The following TAF10 variants were observed in gnomAD, a reference collection of about 807,000 sequenced individuals.
The protein encoded by TAF10 is TATA-box binding protein associated factor 10, also known as transcription initiation factor TFIID subunit 10.
In TAF10, 2 loss-of-function variants were observed where a neutral mutation model predicts 18.1. The ratio of observed to expected loss-of-function variants is 0.11; its 90% confidence interval spans 0.05 to 0.35. The LOEUF is 0.35. Among genes scored for constraint, TAF10 ranks in the 10% least tolerant of loss-of-function variants. The pLI, the probability that TAF10 is intolerant of heterozygous loss-of-function variation, is 1.00. For synonymous variants in TAF10, 158 were observed against 134.6 expected, an observed-to-expected ratio of 1.17 and a Z score of -1.20; for missense variants, 293 against 306.9, an observed-to-expected ratio of 0.95 and a Z score of 0.34.
intron 3 of TAF10, 34 bp downstream of exon 3, chr11:6,611,354 G>A (rs924219443): frequency 9.3e-6 from 15 of 1,614,006 alleles, no homozygotes; most frequent in Non-Finnish European, 1.2e-5. Context: ...TACTGCACAA[G>A]CACCCAAAAC....
chr11:6,609,807 C>T lies in TAF10; in HGVS notation c.*1115G>A, dbSNP rs768563368. On this transcript the variant is annotated 3_prime_UTR_variant, in exon 5 of 5. Transcript: ENST00000299424. ...GGCCTTCCTACACACACTAGAGCCC[C>T]TCATCCCACGACATGCACTCAATAG... 4 of 1,614,212 alleles carry T rather than the reference C, an allele frequency of 2.5e-6. No individual in the cohort carries two copies. The South Asian group carries it at 4.4e-5, about 18-fold the overall frequency.
In TAF10 at chr11:6,606,818, G is replaced by A. The variant is rs1310909698; in HGVS notation, c.*4104C>T. The A allele has an allele frequency of 6.6e-6, 1 of 152,182 alleles. No homozygotes were observed. Among genetic ancestry groups the A allele is most frequent in the Non-Finnish European group, 1.5e-5 (1 of 68,060 alleles). 9.4% of individuals were successfully genotyped at this position (152,182 alleles called of 1,614,324 possible). A position where few individuals can be genotyped will look rare whatever the true frequency, so the allele number is the denominator to read the frequency against. ...TACTTTTGCCCCCCGAGTTTGGCCT[G>A]CCCTGGCGCCACAGGCAGTACTGGA... On this transcript the variant is annotated 3_prime_UTR_variant, in exon 5 of 5. Coordinates refer to ENST00000299424, the MANE Select transcript of TAF10 (RefSeq NM_006284.4).
chr11:6,612,190 C>G lies in TAF10; in HGVS notation c.-1G>C. ...CCGCGCCGGAGCCGCTGCAGCTCAT[C>G]GGGCCGGTGGGAGAGGCGGCGAACA... On this transcript the variant is annotated 5_prime_UTR_variant, in exon 1 of 5. Transcript: ENST00000299424. The G allele has an allele frequency of 1.6e-6, 2 of 1,229,050 alleles. No individual in the cohort carries two copies. Among genetic ancestry groups the G allele is most frequent in the Non-Finnish European group, 2.0e-6 (2 of 976,820 alleles). 76.1% of individuals were successfully genotyped at this position (1,229,050 alleles called of 1,614,324 possible). A position where few individuals can be genotyped will look rare whatever the true frequency, so the allele number is the denominator to read the frequency against.
At position 6,609,017 on chromosome 11, in the gene TAF10, C is replaced by T. The variant is rs188578152; in HGVS notation, c.*1905G>A. On this transcript the variant is annotated 3_prime_UTR_variant, in exon 5 of 5. Transcript: ENST00000299424. The stretch of plus-strand genomic sequence containing the variant: ...GGTTGTAAAAGGAAATAATCCTGGC[C>T]TCTTGGGGCTGGGTTAGGGTGAAGC... The T allele has an allele frequency of 3.7e-6, 6 of 1,612,382 alleles. No individual in the cohort carries two copies. Among genetic ancestry groups the T allele is most frequent in the South Asian group, 2.2e-5 (2 of 91,028 alleles).
chr11:6,611,071 G>A, intron 4 of TAF10, 60 bp from the exon 5 acceptor site: 1 of 1,599,288 alleles, frequency 6.3e-7, no homozygotes, highest in African/African-American at 1.3e-5. Context: ...AATCCCAGAT[G>A]GGTGACCCTG....
chr11:6,611,126 T>A, intron 4 of TAF10, 63 bp downstream of exon 4: 1 of 1,589,234 alleles, frequency 6.3e-7, no homozygotes, highest in Non-Finnish European at 8.6e-7. Context: ...CCCAAAGGGG[T>A]GGCAGGATAA....
In TAF10 at chr11:6,609,405, T is replaced by C. The variant is rs1185447961; in HGVS notation, c.*1517A>G. The C allele has an allele frequency of 6.2e-7, 1 of 1,613,906 alleles. No homozygotes were observed. The highest frequency in any genetic ancestry group is 1.1e-5 in the South Asian group (1 of 91,080). On this transcript the variant is annotated 3_prime_UTR_variant, in exon 5 of 5. Transcript: ENST00000299424. ...GACTTCAATGAAGAGTGTCCCCGGC[T>C]CAGGTAGTGCAAGGCGTAACCTGGA...
chr11:6,607,983 C>A lies in TAF10; in HGVS notation c.*2939G>T. 6.5e-7 allele frequency: 1 copy of A among 1,546,286 alleles called. No individual in the cohort carries two copies. Among genetic ancestry groups the A allele is most frequent in the Non-Finnish European group, 8.9e-7 (1 of 1,121,324 alleles). The stretch of plus-strand genomic sequence containing the variant: ...AGAGAGTATGTAATTATCAGTTTTT[C>A]AGGAATCAAAACCTTTGCCCCATCC... On this transcript the variant is annotated 3_prime_UTR_variant, in exon 5 of 5. Coordinates refer to ENST00000299424, the MANE Select transcript of TAF10 (RefSeq NM_006284.4).
At position 6,606,320 on chromosome 11, in the gene TAF10, A is replaced by T. The variant is rs1336471905; in HGVS notation, c.*4602T>A. On this transcript the variant is annotated 3_prime_UTR_variant, in exon 5 of 5. Coordinates refer to ENST00000299424, the MANE Select transcript of TAF10 (RefSeq NM_006284.4). ...GGCAAAATCAAATTCTTTATTTTTT[A>T]AAATTGGTGGAGTTTAGTTTTTAGG... The T allele has an allele frequency of 6.6e-6, 1 of 152,238 alleles. No homozygotes were observed. Among genetic ancestry groups the T allele is most frequent in the Non-Finnish European group, 1.5e-5 (1 of 68,042 alleles). The allele number at this position is 152,238 out of a possible 1,614,324, so 9.4% of individuals were successfully genotyped here. A position where few individuals can be genotyped will look rare whatever the true frequency, so the allele number is the denominator to read the frequency against.
chr11:6,608,710 G>A lies in TAF10; in HGVS notation c.*2212C>T. 3 of 1,613,968 alleles carry A rather than the reference G, an allele frequency of 1.9e-6. No homozygotes were observed. Among genetic ancestry groups the A allele is most frequent in the Non-Finnish European group, 2.5e-6 (3 of 1,179,864 alleles). ...TCATTCCAGGACCTGGTGGCAAATG[G>A]GGCCCTTGTCAGCATCTGTAACAAG... On this transcript the variant is annotated 3_prime_UTR_variant, in exon 5 of 5. Transcript: ENST00000299424. The surrounding 1 kb of genome is among the most constrained non-coding windows in gnomAD (Gnocchi z 4.9).
rs750957554 is a variant in TAF10 at position 6,608,381 on chromosome 11, C to A, written c.*2541G>T. Reference sequence around the variant, plus strand: ...CTTTCTGCCTCTTCTTTTTGTCTGGCCATGGGGTCCAGCTATTGCAGTACA... The same window carrying A: ...CTTTCTGCCTCTTCTTTTTGTCTGGACATGGGGTCCAGCTATTGCAGTACA... On this transcript the variant is annotated 3_prime_UTR_variant, in exon 5 of 5. Coordinates refer to ENST00000299424, the MANE Select transcript of TAF10 (RefSeq NM_006284.4). The surrounding 1 kb of genome is among the most constrained non-coding windows in gnomAD (Gnocchi z 4.9). 6.2e-7 allele frequency: 1 copy of A among 1,611,736 alleles called. No individual in the cohort carries two copies. The highest frequency in any genetic ancestry group is 1.7e-5 in the Admixed American group (1 of 60,030).
rs1855480386 is a variant in TAF10 at position 6,612,036 on chromosome 11, G to T, written c.154C>A (p.Pro52Thr). 1 of 1,494,344 alleles carries T rather than the reference G, an allele frequency of 6.7e-7. No individual in the cohort carries two copies. Among genetic ancestry groups the T allele is most frequent in the African/African-American group, 1.4e-5 (1 of 69,752 alleles). 92.6% of individuals were successfully genotyped at this position (1,494,344 alleles called of 1,614,324 possible). A position where few individuals can be genotyped will look rare whatever the true frequency, so the allele number is the denominator to read the frequency against. ...KASPAGTAGGPGAGAAAGGTG... is the reference protein window; with the variant it reads ...KASPAGTAGGTGAGAAAGGTG... ...CCCCCAGCAGCTGCTCCAGCCCCAG[G>T]TCCCCCCGCTGTCCCCGCGGGGCTG... Residue 52 changes from proline (P) to threonine (T), a missense_variant, in exon 1 of 5, where the codon CCT (proline) becomes ACT (threonine). Coordinates refer to ENST00000299424, the MANE Select transcript of TAF10 (RefSeq NM_006284.4).
chr11:6,609,928 T>C lies in TAF10; in HGVS notation c.*994A>G, dbSNP rs764825791. The C allele has an allele frequency of 5.6e-6, 9 of 1,614,120 alleles. No homozygotes were observed. In the South Asian group the frequency reaches 8.8e-5, roughly 16 times the overall value. On this transcript the variant is annotated 3_prime_UTR_variant, in exon 5 of 5. Transcript: ENST00000299424. ...CTTACCTCCTTCTATCTGTTTTCTC[T>C]TCCTCAGATTGATGAGGACATGACT...
At position 6,609,766 on chromosome 11, in the gene TAF10, A is replaced by G. The variant is rs1241550995; in HGVS notation, c.*1156T>C. Reference sequence around the variant, plus strand: ...AGCCAGGCTGTGAAGTTTGCTTTGGACATGGCAAGGGGCATGGCCTTCCTA... The same window carrying G: ...AGCCAGGCTGTGAAGTTTGCTTTGGGCATGGCAAGGGGCATGGCCTTCCTA... On this transcript the variant is annotated 3_prime_UTR_variant, in exon 5 of 5. Transcript: ENST00000299424. 1.2e-6 allele frequency: 2 copies of G among 1,614,234 alleles called. No homozygotes were observed. Among genetic ancestry groups the G allele is most frequent in the Non-Finnish European group, 1.7e-6 (2 of 1,180,042 alleles).
chr11:6,610,719 T>C lies in TAF10; in HGVS notation c.*203A>G. On this transcript the variant is annotated 3_prime_UTR_variant, in exon 5 of 5. Coordinates refer to ENST00000299424, the MANE Select transcript of TAF10 (RefSeq NM_006284.4). ...TTGCCTCCCCCGCCTCCAGTCATGGTACTACCCCAGCCATGGGGTCCATCC... is the reference window on the plus strand; with the variant it reads ...TTGCCTCCCCCGCCTCCAGTCATGGCACTACCCCAGCCATGGGGTCCATCC... 7.0e-7 allele frequency: 1 copy of C among 1,436,338 alleles called. No homozygotes were observed. 89.0% of individuals were successfully genotyped at this position (1,436,338 alleles called of 1,614,324 possible). A position where few individuals can be genotyped will look rare whatever the true frequency, so the allele number is the denominator to read the frequency against.
At position 6,612,169 on chromosome 11, in the gene TAF10, G is replaced by A; in HGVS notation, c.21C>T (p.Gly7=). Reference sequence around the variant, plus strand: ...AGGCCGGCGCCGCCTCGGGGTCCGCGCCGGAGCCGCTGCAGCTCATCGGGC... The same window carrying A: ...AGGCCGGCGCCGCCTCGGGGTCCGCACCGGAGCCGCTGCAGCTCATCGGGC... MSCSGS[G]ADPEAAPASA... The change falls in exon 1 of 5, where the codon GGC becomes GGT. Residue 7 remains glycine, a synonymous_variant. Transcript: ENST00000299424. 3 of 1,191,150 alleles carry A rather than the reference G, an allele frequency of 2.5e-6. No homozygotes were observed. Among genetic ancestry groups the A allele is most frequent in the Non-Finnish European group, 3.1e-6 (3 of 961,198 alleles). 73.8% of individuals were successfully genotyped at this position (1,191,150 alleles called of 1,614,324 possible).
Position 6,611,278 on chromosome 11 carries a change from G to C in TAF10, c.478C>G (p.Gln160Glu). ...TTGGCAATATCTGAGATGAATTTCT[G>C]GGCAGCTAAGGAGATGAGCCGAATT... ...RIIRLISLAA[Q>E]KFISDIANDA... Residue 160 changes from glutamine (Q) to glutamate (E), a missense_variant, in exon 4 of 5, where the codon CAG (glutamine) becomes GAG (glutamate). Physicochemically the swap from Gln to Glu is conservative, Grantham distance 29. Transcript: ENST00000299424. The C allele has an allele frequency of 6.2e-7, 1 of 1,614,060 alleles. No homozygotes were observed. The highest frequency in any genetic ancestry group is 8.5e-7 in the Non-Finnish European group (1 of 1,180,020).
At chr11:6,611,124 G>A in intron 4 of TAF10, 65 bp downstream of exon 4, 1 of 1,590,672 alleles carries the variant, frequency 6.3e-7, no homozygotes, top group Non-Finnish European at 8.6e-7. Context: ...TCCCCAAAGG[G>A]GTGGCAGGAT....
rs370491797 is a variant in TAF10 at position 6,611,977 on chromosome 11, T to G, written c.213A>C (p.Pro71=). ...CCTCACCCGCCCCACGCCGCTCAGC[T>G]GGCTCCCCGGCCCGCGCCGCCAAGG... ...TGPLAARAGE[P]AERRGAAPVS... Residue 71 remains proline, a synonymous_variant, in exon 1 of 5, where the codon CCA becomes CCC. Transcript: ENST00000299424. 1.9e-6 allele frequency: 3 copies of G among 1,564,950 alleles called. No homozygotes were observed. The highest frequency in any genetic ancestry group is 2.7e-5 in the African/African-American group (2 of 73,734).
Sources: allele counts gnomAD v4.1 joint callset, GRCh38; gene constraint gnomAD v4.1.1; non-coding constraint Gnocchi (gnomAD v3.1); transcripts MANE v1.5; gene names NCBI Gene and HGNC (gene_info 2026-07-23, HGNC 2026-07-21).